The following CSMD3 variants were observed in gnomAD, a reference collection of about 807,000 sequenced individuals.
The protein encoded by CSMD3 is CUB and Sushi multiple domains 3, also known as CUB and sushi domain-containing protein 3.
A neutral mutation model predicts 435.2 loss-of-function variants in CSMD3; 177 were observed. The ratio of observed to expected loss-of-function variants is 0.41; its 90% CI spans 0.36 to 0.46. The LOEUF is 0.46. Among genes scored for constraint, CSMD3 ranks in the 20% least tolerant of loss-of-function variants. The pLI is 0.34. For synonymous variants in CSMD3, 1,656 were observed against 1,520.5 expected (o/e 1.09, Z -2.07); for missense variants, 4,265 against 4,504.6 (o/e 0.95, Z 1.52).
In CSMD3 at chr8:112,289,266, T is replaced by C. The variant is rs1819527215; in HGVS notation, c.9148+99A>G. 6.0e-6 allele frequency: 6 copies of C among 1,004,238 alleles called. No homozygotes were observed. In the East Asian group the frequency reaches 1.2e-4, roughly 20 times the overall value. 62.2% of individuals were successfully genotyped at this position (1,004,238 alleles called of 1,614,324 possible). On this transcript the variant is annotated intron_variant, in intron 57 of 70. Coordinates refer to ENST00000297405, the MANE Select transcript of CSMD3 (RefSeq NM_198123.2). ...TTATGAGATTTTTCAGAGAGAAATA[T>C]ATTTTAAGTCTTTAGATTGTTTTGT...
intron 47 of CSMD3, among the ~76,000 whole-genome samples, chr8:112,316,706 C>T (rs910646259): frequency 1.3e-4 from 19 of 151,712 alleles, no homozygotes; most frequent in Non-Finnish European, 4.4e-5. Flanking sequence ...AAACTGATGG[C>T]CAGAAAGTTT....
chr8:112,728,387 G>T (rs182968149), intron 13 of CSMD3, among the ~76,000 whole-genome samples: 1 of 151,896 alleles, frequency 6.6e-6, no homozygotes, highest in East Asian at 1.9e-4. Flanking sequence ...ATCTATACAC[G>T]TATGTATGTA....
intron 1 of CSMD3, among the ~76,000 whole-genome samples, chr8:113,401,853 A>T (rs1217524537): frequency 6.6e-6 from 1 of 151,594 alleles, no homozygotes; most frequent in East Asian, 1.9e-4. Context: ...AATTGCCTGT[A>T]GTGTTCAGTA....
At chr8:112,599,524 C>T (rs1339488965) in intron 22 of CSMD3, among the ~76,000 whole-genome samples, 2 of 151,930 alleles carry the variant, frequency 1.3e-5, no homozygotes, top group Non-Finnish European at 2.9e-5. Context: ...ACTGGGTATA[C>T]ACACAAAGGA....
At chr8:113,423,200 A>G (rs545099622) in intron 1 of CSMD3, among the ~76,000 whole-genome samples, 7 of 152,204 alleles carry the variant, frequency 4.6e-5, no homozygotes, top group Middle Eastern at 3.4e-3. Context: ...TCAGACCTCA[A>G]AAAGTGTCAC....
intron 6 of CSMD3, among the ~76,000 whole-genome samples, chr8:113,005,908 C>G (rs1293502678): frequency 6.6e-6 from 1 of 151,948 alleles, no homozygotes; most frequent in Non-Finnish European, 1.5e-5. Flanking sequence ...TGCCTGATAA[C>G]AAGATTTATC....
intron 6 of CSMD3, among the ~76,000 whole-genome samples, chr8:112,994,148 T>G (rs1166114552): frequency 1.3e-5 from 2 of 151,930 alleles, no homozygotes; most frequent in East Asian, 3.9e-4. Context: ...CAATCAATGC[T>G]CATAATTTTT....
At chr8:112,575,097 T>C (rs560546402) in intron 23 of CSMD3, among the ~76,000 whole-genome samples, 89 of 152,168 alleles carry the variant, frequency 5.8e-4, no homozygotes, top group Admixed American at 3.3e-3. Context: ...TTCAATATGA[T>C]CTATAAATAA....
chr8:112,429,790 A>G (rs560572805), intron 32 of CSMD3, among the ~76,000 whole-genome samples: 2 of 152,206 alleles, frequency 1.3e-5, no homozygotes, highest in East Asian at 3.9e-4. Flanking sequence ...ACTCATTTAC[A>G]AACATGAAAG....
intron 32 of CSMD3, among the ~76,000 whole-genome samples, chr8:112,428,747 A>T (rs1813346631): frequency 6.6e-6 from 1 of 152,108 alleles, no homozygotes; most frequent in African/African-American, 2.4e-5. Flanking sequence ...TCACTTTGCC[A>T]GCAGAGAATA....
intron 48 of CSMD3, 130 bp downstream of exon 48, chr8:112,314,299 A>T (rs994737933): frequency 2.7e-6 from 2 of 749,038 alleles, no homozygotes; most frequent in African/African-American, 3.5e-5. Flanking sequence ...AGTGAATTTA[A>T]TGTTGGTACT....
intron 1 of CSMD3, among the ~76,000 whole-genome samples, chr8:113,369,461 G>A (rs771107740): frequency 5.3e-5 from 8 of 151,958 alleles, no homozygotes; most frequent in Non-Finnish European, 8.8e-5. Context: ...TGGTGTGGAC[G>A]TAAGTCAGTA....
intron 1 of CSMD3, among the ~76,000 whole-genome samples, chr8:113,392,972 T>C (rs1235069004): frequency 6.6e-6 from 1 of 151,726 alleles, no homozygotes; most frequent in Admixed American, 6.6e-5. Flanking sequence ...TGTGTGTGTG[T>C]GTGTATATAC....
chr8:113,309,755 A>T (rs1313360771), intron 2 of CSMD3: 3 of 152,338 alleles, frequency 2.0e-5, no homozygotes, highest in African/African-American at 2.4e-5. Context: ...ATATCCAAAA[A>T]ATAAGCTTTG....
chr8:113,046,224 G>C (rs142298143), intron 5 of CSMD3, among the ~76,000 whole-genome samples: 1 of 148,644 alleles, frequency 6.7e-6, no homozygotes, highest in East Asian at 1.9e-4. Flanking sequence ...TGCGACCCCA[G>C]GTGTGTGAGG....
At chr8:113,053,941 T>A (rs945220738) in intron 5 of CSMD3, among the ~76,000 whole-genome samples, 4 of 152,180 alleles carry the variant, frequency 2.6e-5, no homozygotes, top group Admixed American at 6.5e-5. Context: ...CCAGCAAAAC[T>A]GTGTATCTAT....
At chr8:112,988,388 T>G (rs2085330628) in intron 6 of CSMD3, among the ~76,000 whole-genome samples, 1 of 152,028 alleles carries the variant, frequency 6.6e-6, no homozygotes, top group Non-Finnish European at 1.5e-5. Flanking sequence ...AATAGCTTAT[T>G]TTTGCTTGTT....
intron 63 of CSMD3, among the ~76,000 whole-genome samples, chr8:112,252,194 C>G (rs540958813): frequency 6.6e-6 from 1 of 151,834 alleles, no homozygotes; most frequent in South Asian, 2.1e-4. Context: ...TAACTCACTA[C>G]CGGCCACCTA....
At chr8:112,304,960 C>T (rs2130780606) in intron 51 of CSMD3, 45 bp from the exon 52 acceptor site, 1 of 1,407,050 alleles carries the variant, frequency 7.1e-7, no homozygotes, top group Non-Finnish European at 1.0e-6. Context: ...ATCACTATAT[C>T]TCAACGTCTA....
Sources: gnomAD v4.1 joint callset for allele counts (sites outside exome capture counted in the v4.1 genomes callset) on GRCh38, gnomAD v4.1.1 for gene constraint, MANE v1.5 for transcripts, NCBI Gene and HGNC (gene_info 2026-07-23, HGNC 2026-07-21) for gene names.